RNF150: variants seen among roughly 807,000 people sequenced by gnomAD.
RNF150 encodes the protein ring finger protein 150.
A neutral mutation model predicts 39.3 loss-of-function variants in RNF150; 24 were observed. The observed-to-expected ratio is 0.61, with a 90% confidence interval of 0.44 to 0.86. The LOEUF (loss-of-function observed/expected upper bound fraction) is 0.86, where lower values mean the gene tolerates loss of function less well. Among genes scored for constraint, RNF150 ranks in the 40% least tolerant of loss-of-function variants. The pLI, the probability that RNF150 is intolerant of heterozygous loss-of-function variation, is 0.00. For missense variants in RNF150, 502 were observed against 587.8 expected, an observed-to-expected ratio of 0.85 and a Z score of 1.51; for synonymous variants, 255 against 227.3, an observed-to-expected ratio of 1.12 and a Z score of -1.10.
rs888972173 is a variant in RNF150, at chr4:140,967,509, T to C, written c.735+114A>G. The C allele has an allele frequency of 6.7e-6, 5 of 749,736 alleles. No individual in the cohort carries two copies. In the African/African-American group the frequency reaches 8.9e-5, roughly 13 times the overall value. The allele number at this position is 749,736 out of a possible 1,614,324, so 46.4% of individuals were successfully genotyped here. Reference sequence around the variant, plus strand: ...ATGATACAGCAAATGTTAACAGTGTTTATCTTGAGTGGGGATATTTTGGTT... The same window carrying C: ...ATGATACAGCAAATGTTAACAGTGTCTATCTTGAGTGGGGATATTTTGGTT... On this transcript the variant is annotated intron_variant, in intron 2 of 6. Transcript: ENST00000515673.
At chr4:140,900,064 T>C (rs141008826) in intron 6 of RNF150, among the ~76,000 whole-genome samples, 1,827 of 151,756 alleles carry the variant, frequency 0.012, 45 homozygotes, top group African/African-American at 0.042. Flanking sequence ...GTTTCTGCCA[T>C]GATGGCAATT....
At chr4:140,919,727 A>T (rs1254074604) in intron 5 of RNF150, among the ~76,000 whole-genome samples, 2 of 150,438 alleles carry the variant, frequency 1.3e-5, no homozygotes, top group Non-Finnish European at 2.9e-5. Context: ...CCGCATTGCC[A>T]AGCCAATCCT....
intron 5 of RNF150, among the ~76,000 whole-genome samples, chr4:140,922,750 T>C (rs2111311483): frequency 6.6e-6 from 1 of 152,134 alleles, no homozygotes; most frequent in South Asian, 2.1e-4. Context: ...CAAAACAGCA[T>C]GGTACTGGTA....
intron 1 of RNF150, among the ~76,000 whole-genome samples, chr4:141,046,490 T>C (rs985384538): frequency 1.3e-5 from 2 of 152,190 alleles, no homozygotes; most frequent in African/African-American, 2.4e-5. Context: ...ACAACTGTTA[T>C]TTACTGACAC....
intron 1 of RNF150, among the ~76,000 whole-genome samples, chr4:141,066,331 G>C (rs2110933712): frequency 6.6e-6 from 1 of 151,982 alleles, no homozygotes; most frequent in East Asian, 1.9e-4. Flanking sequence ...TGTAAGATTA[G>C]CTCATTTTTT....
At chr4:141,052,870 A>T (rs1454583912) in intron 1 of RNF150, among the ~76,000 whole-genome samples, 2 of 152,166 alleles carry the variant, frequency 1.3e-5, no homozygotes, top group Non-Finnish European at 2.9e-5. Context: ...CAAGTTTTGA[A>T]ATACTAAAAT....
intron 1 of RNF150, among the ~76,000 whole-genome samples, chr4:141,119,946 T>C (rs958879251): frequency 2.6e-5 from 4 of 152,230 alleles, no homozygotes; most frequent in Non-Finnish European, 4.4e-5. Flanking sequence ...ATACCTTCAA[T>C]ATAAGGCAGA....
At position 140,863,645 on chromosome 4, in the gene RNF150, G is replaced by C. The variant is rs926545499; in HGVS notation, c.*4616C>G. 6.6e-6 allele frequency: 1 copy of C among 152,046 alleles called. No individual in the cohort carries two copies. The highest frequency in any genetic ancestry group is 1.5e-5 in the Non-Finnish European group (1 of 68,010). 9.4% of individuals were successfully genotyped at this position (152,046 alleles called of 1,614,324 possible). A position where few individuals can be genotyped will look rare whatever the true frequency, so the allele number is the denominator to read the frequency against. On this transcript the variant is annotated 3_prime_UTR_variant, in exon 7 of 7. Transcript: ENST00000515673. ...AAGATGGGAAAATAATTTATGTATG[G>C]GTATACAAAGTAAGATATAGGCAGT...
chr4:141,025,798 T>C (rs1735673535), intron 1 of RNF150, among the ~76,000 whole-genome samples: 1 of 151,352 alleles, frequency 6.6e-6, no homozygotes, highest in African/African-American at 2.5e-5. Context: ...TTGAAAAAAC[T>C]TTTTATCTTT....
At chr4:141,201,799 C>A (rs1728296870) in intron 1 of RNF150, among the ~76,000 whole-genome samples, 4 of 152,220 alleles carry the variant, frequency 2.6e-5, no homozygotes, top group Non-Finnish European at 5.9e-5. Flanking sequence ...TACCAACAAA[C>A]AGCTTGACTT....
At chr4:141,165,183 G>C (rs1727579975) in intron 1 of RNF150, among the ~76,000 whole-genome samples, 1 of 152,012 alleles carries the variant, frequency 6.6e-6, no homozygotes, top group Non-Finnish European at 1.5e-5. Context: ...AACCAACAAA[G>C]ATCAAAAAAG....
chr4:141,210,053 A>AT (rs1421188689), intron 1 of RNF150, among the ~76,000 whole-genome samples: 8 of 152,202 alleles, frequency 5.3e-5, no homozygotes, highest in African/African-American at 1.9e-4. Flanking sequence ...GTCACAGATA[A>AT]TTGTCTAATT....
chr4:140,976,603 T>C (rs28487970), intron 1 of RNF150, among the ~76,000 whole-genome samples: 5,240 of 151,978 alleles, frequency 0.034, 314 homozygotes, highest in African/African-American at 0.12. Flanking sequence ...TGCCACTTCC[T>C]CTTCTTCCAG....
intron 1 of RNF150, among the ~76,000 whole-genome samples, chr4:141,015,465 T>C (rs1735235198): frequency 6.6e-6 from 1 of 152,180 alleles, no homozygotes; most frequent in African/African-American, 2.4e-5. Context: ...AAAACAAGTA[T>C]TTTATCTTCT....
chr4:141,152,965 C>T (rs748357051), intron 1 of RNF150, among the ~76,000 whole-genome samples: 1 of 152,162 alleles, frequency 6.6e-6, no homozygotes, highest in Non-Finnish European at 1.5e-5. Flanking sequence ...GCCCCACATG[C>T]ATTAGCTATT....
chr4:141,035,341 C>A (rs138687399), intron 1 of RNF150, among the ~76,000 whole-genome samples: 1 of 152,284 alleles, frequency 6.6e-6, no homozygotes, highest in African/African-American at 2.4e-5. Flanking sequence ...TTTCTGCTGG[C>A]GCTACCGGAT....
chr4:140,870,155 T>C (rs1010424628), intron 6 of RNF150, among the ~76,000 whole-genome samples: 1 of 152,170 alleles, frequency 6.6e-6, no homozygotes, highest in Non-Finnish European at 1.5e-5. Flanking sequence ...AAATCAGTTT[T>C]ATAGAAATGG....
chr4:141,019,508 C>T lies in RNF150; in HGVS notation c.485-51635G>A, dbSNP rs187046128. Among the ~76,000 whole-genome samples, 51 of 152,140 alleles carry T rather than the reference C, an allele frequency of 3.4e-4. No individual in the cohort carries two copies. The South Asian group carries it at 4.1e-3, about 12-fold the overall frequency. On this transcript the variant is annotated intron_variant, in intron 1 of 6. Coordinates refer to ENST00000515673, the MANE Select transcript of RNF150 (RefSeq NM_020724.2). Reference sequence around the variant, plus strand: ...CCAGAACCAGACATAGTGTTTGAAACGACTTCTTAATTGAGCTGTTTTCAG... The same window carrying T: ...CCAGAACCAGACATAGTGTTTGAAATGACTTCTTAATTGAGCTGTTTTCAG...
At chr4:140,958,729 C>T (rs1368568885) in intron 2 of RNF150, among the ~76,000 whole-genome samples, 1 of 152,092 alleles carries the variant, frequency 6.6e-6, no homozygotes, top group Non-Finnish European at 1.5e-5. Flanking sequence ...GGTGTCCAGG[C>T]TACACGGTGT....
Sources: allele counts gnomAD v4.1 joint callset (sites outside exome capture counted in the v4.1 genomes callset), GRCh38; gene constraint gnomAD v4.1.1; transcripts MANE v1.5; gene names NCBI Gene and HGNC (gene_info 2026-07-23, HGNC 2026-07-21).